STAU2: variants seen among roughly 807,000 people sequenced by gnomAD.
The protein encoded by STAU2 is staufen double-stranded RNA binding protein 2.
Under a neutral mutation model 65.9 loss-of-function variants are expected in STAU2, and 20 were observed. The ratio of observed to expected loss-of-function variants is 0.30; its 90% CI spans 0.21 to 0.44. STAU2 has a LOEUF of 0.44. Ranked by LOEUF, STAU2 falls within the 20% of genes least tolerant of loss-of-function variation. The pLI is 1.00. For synonymous variants in STAU2, 232 were observed against 233.9 expected (o/e 0.99, Z 0.07); for missense variants, 558 against 683.9 (o/e 0.82, Z 2.05).
At chr8:73,512,972 G>T (rs1822497228) in intron 13 of STAU2, among the ~76,000 whole-genome samples, 1 of 151,988 alleles carries the variant, frequency 6.6e-6, no homozygotes, top group Non-Finnish European at 1.5e-5. Flanking sequence ...ACATATTTTA[G>T]CTGCTTTGAA....
chr8:73,695,260 T>C (rs1370606263), intron 4 of STAU2, among the ~76,000 whole-genome samples: 2 of 152,232 alleles, frequency 1.3e-5, no homozygotes, highest in African/African-American at 4.8e-5. Context: ...TCTTGCATTT[T>C]GGATATCAGC....
chr8:73,490,280 C>T (rs1563622648), intron 13 of STAU2, among the ~76,000 whole-genome samples: 1 of 151,952 alleles, frequency 6.6e-6, no homozygotes, highest in Non-Finnish European at 1.5e-5. Flanking sequence ...AAATGGACAC[C>T]GCGCAACCCT....
At chr8:73,732,227 C>T (rs1806119982) in intron 3 of STAU2, among the ~76,000 whole-genome samples, 1 of 152,222 alleles carries the variant, frequency 6.6e-6, no homozygotes, top group African/African-American at 2.4e-5. Flanking sequence ...CATGGGCCTC[C>T]CCATCGGGCC....
chr8:73,617,179 A>G, intron 7 of STAU2, 113 bp downstream of exon 7: 1 of 1,260,730 alleles, frequency 7.9e-7, no homozygotes, highest in Non-Finnish European at 1.1e-6. Flanking sequence ...TCAGGTCTTC[A>G]CTCTAGTATT....
intron 3 of STAU2, among the ~76,000 whole-genome samples, chr8:73,721,829 T>C (rs939023694): frequency 1.3e-5 from 2 of 152,230 alleles, no homozygotes; most frequent in Admixed American, 1.3e-4. Flanking sequence ...TAGTTGGATC[T>C]TGCTTTTATA....
chr8:73,630,987 C>T (rs1456996281), intron 6 of STAU2, among the ~76,000 whole-genome samples: 1 of 152,156 alleles, frequency 6.6e-6, no homozygotes, highest in Non-Finnish European at 1.5e-5. Context: ...CCCATTAGCG[C>T]TTGTACCATA....
At chr8:73,521,510 C>A (rs745485608) in intron 13 of STAU2, among the ~76,000 whole-genome samples, 1 of 152,136 alleles carries the variant, frequency 6.6e-6, no homozygotes, top group Non-Finnish European at 1.5e-5. Flanking sequence ...CTTATTTTCT[C>A]TTGTAGAATT....
intron 4 of STAU2, among the ~76,000 whole-genome samples, chr8:73,700,412 T>G (rs993935009): frequency 6.6e-6 from 1 of 151,944 alleles, no homozygotes; most frequent in African/African-American, 2.4e-5. Flanking sequence ...GATCTTATAT[T>G]TAAAAAAACC....
chr8:73,668,994 T>C (rs536413012), intron 6 of STAU2: 14 of 698,074 alleles, frequency 2.0e-5, no homozygotes, highest in Non-Finnish European at 3.4e-5. Flanking sequence ...TTTCTTGGAC[T>C]TCACCTTTCA....
chr8:73,478,076 G>C (rs1019612730), intron 13 of STAU2, among the ~76,000 whole-genome samples: 1 of 150,504 alleles, frequency 6.6e-6, no homozygotes, highest in Non-Finnish European at 1.5e-5. Flanking sequence ...AATGCAGTAA[G>C]TACAGAAGGG....
At chr8:73,705,572 A>G (rs1214504658) in intron 4 of STAU2, among the ~76,000 whole-genome samples, 3 of 152,230 alleles carry the variant, frequency 2.0e-5, no homozygotes, top group Non-Finnish European at 4.4e-5. Flanking sequence ...GAGCAAACCA[A>G]AACAATAATC....
At chr8:73,582,278 CA>C (rs550938845) in intron 12 of STAU2, among the ~76,000 whole-genome samples, 1 of 151,402 alleles carries the variant, frequency 6.6e-6, no homozygotes, top group East Asian at 1.9e-4. Context: ...CAGCAAAACG[CA>C]AAAAATGCTT....
chr8:73,652,282 CTT>C (rs978336324), intron 6 of STAU2: 5 of 152,210 alleles, frequency 3.3e-5, no homozygotes, highest in African/African-American at 1.2e-4. Context: ...AAATGTTTCA[CTT>C]TTTAATTTTT....
chr8:73,454,684 T>A (rs1818969411), intron 13 of STAU2, among the ~76,000 whole-genome samples: 1 of 152,216 alleles, frequency 6.6e-6, no homozygotes, highest in Non-Finnish European at 1.5e-5. Context: ...TCCATTTGAA[T>A]GGCATTTTAC....
At chr8:73,654,405 A>G (rs1816134880) in intron 6 of STAU2, among the ~76,000 whole-genome samples, 1 of 151,902 alleles carries the variant, frequency 6.6e-6, no homozygotes, top group African/African-American at 2.4e-5. Context: ...TAATCCCAAC[A>G]CTTTGGGAGG....
chr8:73,716,896 G>C (rs1821288875), intron 3 of STAU2, among the ~76,000 whole-genome samples: 1 of 152,042 alleles, frequency 6.6e-6, no homozygotes, highest in Non-Finnish European at 1.5e-5. Context: ...TTTAGGTCAG[G>C]AGTTCAAAAC....
intron 13 of STAU2, among the ~76,000 whole-genome samples, chr8:73,446,718 T>C (rs776830448): frequency 6.6e-6 from 1 of 152,132 alleles, no homozygotes; most frequent in Non-Finnish European, 1.5e-5. Context: ...CAAGTGATCC[T>C]CCTGTCTTGG....
At chr8:73,608,706 T>C (rs1202232872) in intron 9 of STAU2, among the ~76,000 whole-genome samples, 1 of 150,972 alleles carries the variant, frequency 6.6e-6, no homozygotes, top group East Asian at 2.0e-4. Context: ...AGAGAGAAGT[T>C]AAACGTCGGG....
At chr8:73,664,828 CA>C (rs560296092) in intron 6 of STAU2, among the ~76,000 whole-genome samples, 1 of 151,654 alleles carries the variant, frequency 6.6e-6, no homozygotes, top group Non-Finnish European at 1.5e-5. Flanking sequence ...CTGTCTCTAC[CA>C]AAAATGCAAA....
Sources: gnomAD v4.1 joint callset for allele counts (sites outside exome capture counted in the v4.1 genomes callset) on GRCh38, gnomAD v4.1.1 for gene constraint, MANE v1.5 for transcripts, NCBI Gene and HGNC (gene_info 2026-07-23, HGNC 2026-07-21) for gene names.